The following GSS variants were observed in gnomAD, a reference collection of about 807,000 sequenced individuals.
The protein encoded by GSS is glutathione synthetase, also known as GSH synthetase.
GSS carries 34 observed loss-of-function variants against 60.4 expected under a neutral mutation model. The ratio of observed to expected loss-of-function variants is 0.56; its 90% CI spans 0.43 to 0.75. The LOEUF (loss-of-function observed/expected upper bound fraction) is 0.75, where lower values mean the gene tolerates loss of function less well. GSS is among the 30% of genes least tolerant of loss of function. The probability of loss-of-function intolerance (pLI) is 0.00; values close to 1 mark genes in which losing one functional copy is unlikely to be tolerated. For missense variants in GSS, 499 were observed against 595.1 expected (o/e 0.84, Z 1.68); for synonymous variants, 224 against 239.0 (o/e 0.94, Z 0.58).
chr20:34,943,004 G>A lies in GSS; in HGVS notation c.278C>T (p.Thr93Ile). The A allele has an allele frequency of 1.2e-6, 2 of 1,607,726 alleles. No individual in the cohort carries two copies. The highest frequency in any genetic ancestry group is 2.2e-5 in the South Asian group (2 of 90,350). The part of the protein sequence containing the change: ...AAFLEQTLSS[T>I]IKQDDFTARL... Reference sequence around the variant, plus strand: ...AGCGGTAAAGTCATCCTGTTTGATGGTGCTGGAGGAAGAAACAGAGAACAT... The same window carrying A: ...AGCGGTAAAGTCATCCTGTTTGATGATGCTGGAGGAAGAAACAGAGAACAT... The change falls in exon 4 of 13, where the codon ACC becomes ATC. Residue 93 changes from threonine to isoleucine, a missense_variant and splice_region_variant. Coordinates refer to ENST00000651619, the MANE Select transcript of GSS (RefSeq NM_000178.4).
At chr20:34,946,137 C>A (rs777225465) in intron 2 of GSS, 39 bp from the exon 3 acceptor site, 11 of 1,568,118 alleles carry the variant, frequency 7.0e-6, no homozygotes, top group Admixed American at 3.4e-5. Flanking sequence ...GGGTAGGGCA[C>A]CTGTGAACGG....
At position 34,942,981 on chromosome 20, in the gene GSS, C is replaced by G; in HGVS notation, c.301G>C (p.Ala101Pro). Residue 101 changes from alanine to proline, a missense_variant, in exon 4 of 13, where the codon GCT becomes CCT. By Grantham distance (27) the Ala-to-Pro change is conservative. Coordinates refer to ENST00000651619, the MANE Select transcript of GSS (RefSeq NM_000178.4). Reference protein sequence around the residue: ...SSTIKQDDFTARLFDIHKQVL... With the variant: ...SSTIKQDDFTPRLFDIHKQVL... ...TGCTTGTGGATGTCAAAGAGACGAG[C>G]GGTAAAGTCATCCTGTTTGATGGTG... 6.2e-7 allele frequency: 1 copy of G among 1,611,786 alleles called. No individual in the cohort carries two copies. Among genetic ancestry groups the G allele is most frequent in the Non-Finnish European group, 8.5e-7 (1 of 1,178,558 alleles).
At chr20:34,932,562 C>T (rs900361106) in intron 9 of GSS, among the ~76,000 whole-genome samples, 1 of 152,224 alleles carries the variant, frequency 6.6e-6, no homozygotes, top group Admixed American at 6.5e-5. Flanking sequence ...TCTTTCCCTC[C>T]TCAGGGCCTG....
At chr20:34,954,961 C>T (rs1176636887) in intron 1 of GSS, 3 of 152,724 alleles carry the variant, frequency 2.0e-5, no homozygotes, top group Admixed American at 1.3e-4. Flanking sequence ...CGGCCACTGT[C>T]ATCTCTTCCC....
In GSS at chr20:34,951,776, G is replaced by T. The variant is rs759253242; in HGVS notation, c.77C>A (p.Ala26Asp). The T allele has an allele frequency of 2.5e-6, 4 of 1,613,728 alleles. No individual in the cohort carries two copies. The highest frequency in any genetic ancestry group is 2.5e-6 in the Non-Finnish European group (3 of 1,179,832). The change falls in exon 2 of 13, where the codon GCC becomes GAC. Residue 26 changes from alanine to aspartate, a missense_variant. Coordinates refer to ENST00000651619, the MANE Select transcript of GSS (RefSeq NM_000178.4). ...CCTCAGCAATACTCCCTCAGCCAGGGCCCGGTCCACGGCCTGCCGTGCCAG... is the reference window on the plus strand; with the variant it reads ...CCTCAGCAATACTCCCTCAGCCAGGTCCCGGTCCACGGCCTGCCGTGCCAG... ...EELARQAVDR[A>D]LAEGVLLRTS...
intron 6 of GSS, among the ~76,000 whole-genome samples, chr20:34,940,339 G>C (rs1253565141): frequency 6.6e-6 from 1 of 152,152 alleles, no homozygotes; most frequent in Non-Finnish European, 1.5e-5. Flanking sequence ...CCATCCCCTG[G>C]CTTCACTCTC....
chr20:34,946,326 A>G (rs1436027215), intron 2 of GSS, among the ~76,000 whole-genome samples: 1 of 152,162 alleles, frequency 6.6e-6, no homozygotes, highest in Non-Finnish European at 1.5e-5. Context: ...AAAAAAGCAA[A>G]ATGCAAATAA....
intron 9 of GSS, among the ~76,000 whole-genome samples, chr20:34,934,562 C>A (rs2081426297): frequency 6.6e-6 from 1 of 152,162 alleles, no homozygotes; most frequent in Non-Finnish European, 1.5e-5. Flanking sequence ...TAGGCGTGAA[C>A]CACCGTGCCC....
intron 1 of GSS, chr20:34,952,279 G>A (rs1600393317): frequency 7.3e-6 from 2 of 273,214 alleles, no homozygotes; most frequent in Non-Finnish European, 1.4e-5. Context: ...CCTTCCCAGA[G>A]CTACAGATTC....
intron 6 of GSS, among the ~76,000 whole-genome samples, chr20:34,937,888 C>T (rs2081452369): frequency 6.6e-6 from 1 of 152,116 alleles, no homozygotes; most frequent in Non-Finnish European, 1.5e-5. Context: ...GACGGAGTCT[C>T]CCCCTGTTGC....
chr20:34,946,174 T>C (rs905011219), intron 2 of GSS, 76 bp from the exon 3 acceptor site: 23 of 1,267,040 alleles, frequency 1.8e-5, no homozygotes, highest in African/African-American at 7.3e-5. Context: ...TGGAATCCCA[T>C]GGAAAGTCTG....
At chr20:34,951,478 C>T (rs2081567795) in intron 2 of GSS, 1 of 512,968 alleles carries the variant, frequency 1.9e-6, no homozygotes, top group Non-Finnish European at 3.5e-6. Flanking sequence ...CCCATTTTTA[C>T]ACCTGAAGAA....
intron 2 of GSS, chr20:34,951,479 A>G (rs1183438652): frequency 1.2e-5 from 6 of 516,234 alleles, no homozygotes; most frequent in Non-Finnish European, 2.1e-5. Context: ...CCATTTTTAC[A>G]CCTGAAGAAA....
At chr20:34,947,192 A>G (rs1173208793) in intron 2 of GSS, among the ~76,000 whole-genome samples, 1 of 152,018 alleles carries the variant, frequency 6.6e-6, no homozygotes, top group East Asian at 1.9e-4. Context: ...GGTTCAAGCA[A>G]TTCTCCTGCC....
Position 34,952,316 on chromosome 20 carries a change from A to C in GSS, c.-8-456T>G, listed in dbSNP as rs566104635. ...CTAACTGTGAAACAAGAAGAATCGG[A>C]TAGATCAGTTTCCAAACCTGGCTGA... On this transcript the variant is annotated intron_variant, in intron 1 of 12. Coordinates refer to ENST00000651619, the MANE Select transcript of GSS (RefSeq NM_000178.4). 12 of 225,778 alleles carry C rather than the reference A, an allele frequency of 5.3e-5. No homozygotes were observed. In the East Asian group the frequency reaches 1.3e-3, roughly 24 times the overall value. 14.0% of individuals were successfully genotyped at this position (225,778 alleles called of 1,614,324 possible). A position where few individuals can be genotyped will look rare whatever the true frequency, so the allele number is the denominator to read the frequency against.
Position 34,931,309 on chromosome 20 carries a change from G to A in GSS, c.1111+27C>T, listed in dbSNP as rs749461490. ...CAGCCTGCTAGTCCCTCTCATTGAGGAGCCCTGCAAAGGGAGATCCACCTA... is the reference window on the plus strand; with the variant it reads ...CAGCCTGCTAGTCCCTCTCATTGAGAAGCCCTGCAAAGGGAGATCCACCTA... On this transcript the variant is annotated intron_variant, in intron 11 of 12. Transcript: ENST00000651619. 16 of 1,561,212 alleles carry A rather than the reference G, an allele frequency of 1.0e-5. No individual in the cohort carries two copies. The Admixed American group carries it at 2.0e-4, about 20-fold the overall frequency.
intron 1 of GSS, chr20:34,954,280 T>A (rs919748678): frequency 6.6e-6 from 1 of 152,202 alleles, no homozygotes; most frequent in Non-Finnish European, 1.5e-5. Context: ...ATGGGCCAGG[T>A]GTGGTGGCTC....
At chr20:34,941,969 C>T (rs1356237436) in intron 5 of GSS, 140 bp from the exon 6 acceptor site, 1 of 718,762 alleles carries the variant, frequency 1.4e-6, no homozygotes, top group East Asian at 2.6e-5. Context: ...CCTGTAAGAT[C>T]CACTTCAGGT....
chr20:34,931,606 A>C, intron 10 of GSS, 189 bp from the exon 11 acceptor site: 1 of 669,894 alleles, frequency 1.5e-6, no homozygotes, highest in East Asian at 2.7e-5. Context: ...CGATGCAATG[A>C]GAACAGGCCT....
Sources: gnomAD v4.1 joint callset for allele counts (sites outside exome capture counted in the v4.1 genomes callset) on GRCh38, gnomAD v4.1.1 for gene constraint, MANE v1.5 for transcripts, NCBI Gene and HGNC (gene_info 2026-07-23, HGNC 2026-07-21) for gene names.